Variants in CMIP observed in about 807,000 individuals in gnomAD.
CMIP encodes C-Maf-inducing protein.
In CMIP, 13 loss-of-function variants were observed where a neutral mutation model predicts 97.3. The observed-to-expected ratio is 0.13, with a 90% CI of 0.09 to 0.21. CMIP has a LOEUF of 0.21. CMIP is among the 10% of genes least tolerant of loss of function. The pLI, the probability that CMIP is intolerant of heterozygous loss-of-function variation, is 1.00. For synonymous variants in CMIP, 538 were observed against 436.3 expected, an observed-to-expected ratio of 1.23 and a Z score of -2.91; for missense variants, 847 against 1,024.9, an observed-to-expected ratio of 0.83 and a Z score of 2.37.
At chr16:81,705,266 A>G (rs72831134) in intron 18 of CMIP, among the ~76,000 whole-genome samples, 15,059 of 152,218 alleles carry the variant, frequency 0.099, 820 homozygotes, top group Non-Finnish European at 0.11. Context: ...ACTGACTCCA[A>G]GGGGGCCCTG....
chr16:81,533,266 A>T (rs1434025874), intron 1 of CMIP, among the ~76,000 whole-genome samples: 2 of 152,132 alleles, frequency 1.3e-5, no homozygotes, highest in African/African-American at 4.8e-5. Flanking sequence ...CAGCATTTAG[A>T]ACAGGGCCTG....
rs143723895 is a variant in CMIP, at chr16:81,680,459, G to A, written c.1388+1831G>A. Among the ~76,000 whole-genome samples the A allele has an allele frequency of 4.7e-3, 719 of 152,340 alleles. 2 individuals are homozygous for A. Among genetic ancestry groups the A allele is most frequent in the Non-Finnish European group, 6.8e-3 (464 of 68,020 alleles). ...CAAGGTGGCTGCTGCTGGTTTGAAG[G>A]AGATCGTGGAGGCAGCGTCCCCACA... On this transcript the variant is annotated intron_variant, in intron 10 of 20. Coordinates refer to ENST00000537098, the MANE Select transcript of CMIP (RefSeq NM_198390.3).
intron 1 of CMIP, among the ~76,000 whole-genome samples, chr16:81,557,822 G>T (rs533450580): frequency 6.6e-6 from 1 of 152,288 alleles, no homozygotes; most frequent in Non-Finnish European, 1.5e-5. Context: ...CAAATCGGAG[G>T]TGTTTTTAAC....
At chr16:81,599,741 A>G (rs1002349250) in intron 1 of CMIP, among the ~76,000 whole-genome samples, 1 of 152,202 alleles carries the variant, frequency 6.6e-6, no homozygotes, top group Non-Finnish European at 1.5e-5. Flanking sequence ...TGTGTGAGAC[A>G]TCCCCTGCTC....
intron 3 of CMIP, among the ~76,000 whole-genome samples, chr16:81,650,747 A>G (rs1210075013): frequency 6.6e-6 from 1 of 152,160 alleles, no homozygotes; most frequent in African/African-American, 2.4e-5. Context: ...AGTGGACCAC[A>G]TGGGTCCAGG....
At chr16:81,607,805 T>G in intron 2 of CMIP, 113 bp downstream of exon 2, 1 of 1,178,380 alleles carries the variant, frequency 8.5e-7, no homozygotes, top group Non-Finnish European at 1.2e-6. Flanking sequence ...GTTGTTTAAC[T>G]TTGGGTGATT....
At chr16:81,632,827 A>G (rs955420379) in intron 3 of CMIP, among the ~76,000 whole-genome samples, 2 of 151,890 alleles carry the variant, frequency 1.3e-5, no homozygotes, top group Non-Finnish European at 2.9e-5. Context: ...GGCTTCCTCA[A>G]CTCTACATAA....
intron 1 of CMIP, among the ~76,000 whole-genome samples, chr16:81,582,521 G>T (rs1371234529): frequency 6.6e-6 from 1 of 152,112 alleles, no homozygotes; most frequent in East Asian, 1.9e-4. Context: ...AAGGACCTCT[G>T]AGCTTTGAGT....
chr16:81,558,498 A>G (rs531471522), intron 1 of CMIP, among the ~76,000 whole-genome samples: 21 of 152,316 alleles, frequency 1.4e-4, no homozygotes, highest in African/African-American at 5.1e-4. Context: ...CACTAACAGC[A>G]TGTAGAGACC....
In CMIP at chr16:81,693,201, C is replaced by T. The variant is rs758905790; in HGVS notation, c.1481+17C>T. ...GTTCACCAAGTGAGTGTCTGGGCACCGCCCTCATTCCATTCTGGCACGCAC... is the reference window on the plus strand; with the variant it reads ...GTTCACCAAGTGAGTGTCTGGGCACTGCCCTCATTCCATTCTGGCACGCAC... On this transcript the variant is annotated intron_variant, in intron 12 of 20. Transcript: ENST00000537098. 9.3e-6 allele frequency: 15 copies of T among 1,607,608 alleles called. 1 individual carries two copies. Among genetic ancestry groups the T allele is most frequent in the Middle Eastern group, 1.7e-4 (1 of 6,058 alleles).
chr16:81,533,601 C>T (rs149865379), intron 1 of CMIP, among the ~76,000 whole-genome samples: 63 of 152,252 alleles, frequency 4.1e-4, no homozygotes, highest in African/African-American at 1.2e-3. Context: ...GTCTCAGCCT[C>T]CAGAGTAGCT....
Position 81,689,795 on chromosome 16 carries a change from A to G in CMIP, c.1389-1980A>G, listed in dbSNP as rs190977565. On this transcript the variant is annotated intron_variant, in intron 10 of 20. Coordinates refer to ENST00000537098, the MANE Select transcript of CMIP (RefSeq NM_198390.3). ...GGGCTATTATGGTTTTAGGTCTAACATTTAAGTCTTTAATCCATCTTGAAT... is the reference window on the plus strand; with the variant it reads ...GGGCTATTATGGTTTTAGGTCTAACGTTTAAGTCTTTAATCCATCTTGAAT... Among the ~76,000 whole-genome samples, 143 of 152,348 alleles carry G rather than the reference A, an allele frequency of 9.4e-4. 1 individual carries two copies. The highest frequency in any genetic ancestry group is 8.5e-4 in the Non-Finnish European group (58 of 68,032).
rs534038413 is a variant in CMIP, at chr16:81,446,639, A to C, written c.300+1098A>C. ...TACTAAGCGCAGTGGGAGGGGGCCG[A>C]ATCCACTGCCTGCCCACACCTGTGC... On this transcript the variant is annotated intron_variant, in intron 1 of 20. Coordinates refer to ENST00000537098, the MANE Select transcript of CMIP (RefSeq NM_198390.3). Among the ~76,000 whole-genome samples the C allele has an allele frequency of 3.3e-5, 5 of 152,250 alleles. No homozygotes were observed. In the South Asian group the frequency reaches 1.0e-3, roughly 32 times the overall value.
intron 1 of CMIP, among the ~76,000 whole-genome samples, chr16:81,446,064 C>A (rs1249049816): frequency 6.6e-6 from 1 of 152,144 alleles, no homozygotes; most frequent in African/African-American, 2.4e-5. Flanking sequence ...CCTTTATTCT[C>A]TTTCCTGCCA....
intron 1 of CMIP, among the ~76,000 whole-genome samples, chr16:81,571,808 C>T (rs1373035945): frequency 6.6e-6 from 1 of 152,162 alleles, no homozygotes; most frequent in Non-Finnish European, 1.5e-5. Context: ...AGCCCTGCTT[C>T]CCTGGCTGGA....
chr16:81,523,111 G>A (rs1223160917), intron 1 of CMIP, among the ~76,000 whole-genome samples: 2 of 152,056 alleles, frequency 1.3e-5, no homozygotes, highest in Admixed American at 6.5e-5. Flanking sequence ...GTAGAGACAG[G>A]ACTTCGCTAT....
chr16:81,491,118 C>T (rs2089398995), intron 1 of CMIP, among the ~76,000 whole-genome samples: 1 of 152,102 alleles, frequency 6.6e-6, no homozygotes, highest in African/African-American at 2.4e-5. Flanking sequence ...CTGTTCCTGA[C>T]CCATGTGGGG....
intron 1 of CMIP, among the ~76,000 whole-genome samples, chr16:81,536,994 C>T (rs780538593): frequency 2.0e-5 from 3 of 152,140 alleles, no homozygotes; most frequent in East Asian, 1.9e-4. Flanking sequence ...TGGTTTTGCC[C>T]GCTTGTGAAC....
At chr16:81,568,723 A>G (rs746686823) in intron 1 of CMIP, among the ~76,000 whole-genome samples, 2 of 152,244 alleles carry the variant, frequency 1.3e-5, no homozygotes, top group Non-Finnish European at 2.9e-5. Flanking sequence ...GAAACCACAA[A>G]GGCAAGGAGA....
Sources: allele counts gnomAD v4.1 joint callset (sites outside exome capture counted in the v4.1 genomes callset), GRCh38; gene constraint gnomAD v4.1.1; transcripts MANE v1.5; gene names NCBI Gene and HGNC (gene_info 2026-07-23, HGNC 2026-07-21).